Variants in ADAMTSL1 observed in about 807,000 individuals in gnomAD.
ADAMTSL1 encodes ADAMTS like 1, also known as ADAMTS-like protein 1.
Under a neutral mutation model 201.8 loss-of-function variants are expected in ADAMTSL1, and 126 were observed. That is an observed-to-expected ratio of 0.62 (90% CI 0.54 to 0.72). The LOEUF (loss-of-function observed/expected upper bound fraction) is 0.72, where lower values mean the gene tolerates loss of function less well. Ranked by LOEUF, ADAMTSL1 falls within the 30% of genes least tolerant of loss-of-function variation. The pLI, the probability that ADAMTSL1 is intolerant of heterozygous loss-of-function variation, is 0.00. For missense variants in ADAMTSL1, 2,679 were observed against 2,277.8 expected (o/e 1.18, Z -3.59); for synonymous variants, 1,121 against 903.4 (o/e 1.24, Z -4.32).
rs372483161 is a variant in ADAMTSL1 at position 18,502,098 on chromosome 9, G to C, written c.64-2731G>C. 2.0e-4 allele frequency among the ~76,000 whole-genome samples: 31 copies of C among 152,310 alleles called. 1 individual carries two copies. In the East Asian group the frequency reaches 4.1e-3, roughly 20 times the overall value. ...AACAGCCAGAGGGAAACTCTCCAAG[G>C]ATTTGGCATTCGAGTGTTCTTATCT... On this transcript the variant is annotated intron_variant, in intron 1 of 28. Transcript: ENST00000380548.
chr9:18,704,267 C>A (rs550178314), intron 13 of ADAMTSL1, among the ~76,000 whole-genome samples: 1 of 152,078 alleles, frequency 6.6e-6, no homozygotes. Context: ...TCACGCAGTC[C>A]GCAAAATCTA....
rs544186255 is a variant in ADAMTSL1 at position 18,306,416 on chromosome 9, T to G, written c.207+142435T>G. 5.1e-4 allele frequency among the ~76,000 whole-genome samples: 78 copies of G among 152,276 alleles called. 3 individuals are homozygous for G. The South Asian group carries it at 0.016, about 31-fold the overall frequency. ...TCCTCCAAGCAAAAGGAGCGTATTC[T>G]AACCCAATGCAAGGAAGCTAAGAAC... On this transcript the variant is annotated intron_variant, in intron 2 of 29. Transcript: ENST00000680146.
chr9:18,366,627 ATTTTTTTTTTTTTTTTTTTTTT>A (rs772034324), intron 2 of ADAMTSL1, among the ~76,000 whole-genome samples: 1,473 of 112,838 alleles, frequency 0.013, 40 homozygotes, highest in African/African-American at 0.048. Flanking sequence ...GAAATCACTA[ATTTTTTTTTTTTTTTTTTTTTT>A]TTTTTTTTTT....
At chr9:18,454,039 A>C (rs1438828531) in intron 2 of ADAMTSL1, among the ~76,000 whole-genome samples, 1 of 152,236 alleles carries the variant, frequency 6.6e-6, no homozygotes, top group Non-Finnish European at 1.5e-5. Context: ...TCGGTATGCA[A>C]GAGGCATATT....
intron 2 of ADAMTSL1, among the ~76,000 whole-genome samples, chr9:18,307,688 C>T (rs1299452398): frequency 6.6e-6 from 1 of 152,132 alleles, no homozygotes; most frequent in African/African-American, 2.4e-5. Context: ...CACCCAGATT[C>T]ATAAAGCAAG....
At chr9:18,756,076 A>AAAATATATATATATAT (rs1819728814) in intron 16 of ADAMTSL1, among the ~76,000 whole-genome samples, 1 of 80,700 alleles carries the variant, frequency 1.2e-5, no homozygotes, top group Non-Finnish European at 2.6e-5. Flanking sequence ...CTCTACTGAA[A>AAAATATATATATATAT]ATATATATAT....
chr9:18,432,775 T>C (rs1454417142), intron 2 of ADAMTSL1, among the ~76,000 whole-genome samples: 1 of 152,176 alleles, frequency 6.6e-6, no homozygotes, highest in African/African-American at 2.4e-5. Flanking sequence ...TGACAACATA[T>C]GTGAAGATAG....
At chr9:18,799,716 GAC>G (rs1462518395) in intron 20 of ADAMTSL1, among the ~76,000 whole-genome samples, 2 of 152,032 alleles carry the variant, frequency 1.3e-5, no homozygotes, top group Non-Finnish European at 2.9e-5. Flanking sequence ...GGAAGGGAGA[GAC>G]AGAAAATATT....
chr9:18,150,022 A>G (rs1476123432), intron 1 of ADAMTSL1, among the ~76,000 whole-genome samples: 1 of 152,112 alleles, frequency 6.6e-6, no homozygotes, highest in Non-Finnish European at 1.5e-5. Flanking sequence ...GCTGGACAAG[A>G]AATAAATTCA....
chr9:18,780,160 G>A lies in ADAMTSL1; in HGVS notation c.3677+2254G>A, dbSNP rs192681278. The stretch of plus-strand genomic sequence containing the variant: ...GCCCATGGCCCATCTAGGTCACCTG[G>A]TGACTGCAGGAATGATGTGGAAGGA... On this transcript the variant is annotated intron_variant, in intron 19 of 28. Coordinates refer to ENST00000380548, the MANE Select transcript of ADAMTSL1 (RefSeq NM_001040272.6). Among the ~76,000 whole-genome samples the A allele has an allele frequency of 6.6e-5, 10 of 152,302 alleles. No homozygotes were observed. The East Asian group carries it at 1.9e-3, about 29-fold the overall frequency.
chr9:18,501,117 AT>A (rs1337647452), intron 1 of ADAMTSL1, among the ~76,000 whole-genome samples: 1 of 152,090 alleles, frequency 6.6e-6, no homozygotes, highest in Non-Finnish European at 1.5e-5. Flanking sequence ...TCTACTCTTT[AT>A]TTTTCTTCTG....
At chr9:18,338,225 C>G (rs189969278) in intron 2 of ADAMTSL1, among the ~76,000 whole-genome samples, 24 of 152,132 alleles carry the variant, frequency 1.6e-4, no homozygotes, top group Admixed American at 3.9e-4. Flanking sequence ...ACTTTTCCAC[C>G]GCACTCTCAG....
chr9:17,933,007 C>G (rs1347366259), intron 1 of ADAMTSL1, among the ~76,000 whole-genome samples: 1 of 152,144 alleles, frequency 6.6e-6, no homozygotes, highest in East Asian at 1.9e-4. Flanking sequence ...ACAAAGTGCC[C>G]AGCCTGGCAC....
At chr9:18,855,964 C>A (rs907703225) in intron 23 of ADAMTSL1, among the ~76,000 whole-genome samples, 1 of 152,210 alleles carries the variant, frequency 6.6e-6, no homozygotes, top group Non-Finnish European at 1.5e-5. Flanking sequence ...GGCACTCTTA[C>A]ATGCACAGTA....
intron 19 of ADAMTSL1, among the ~76,000 whole-genome samples, chr9:18,792,718 C>G (rs1315306871): frequency 6.6e-6 from 1 of 152,078 alleles, no homozygotes; most frequent in Admixed American, 6.6e-5. Flanking sequence ...TTTTAATTTT[C>G]TAATCTAAAA....
chr9:18,618,975 C>A (rs150122128), intron 4 of ADAMTSL1, among the ~76,000 whole-genome samples: 480 of 152,152 alleles, frequency 3.2e-3, no homozygotes, highest in Non-Finnish European at 5.0e-3. Flanking sequence ...TATGAAGAAA[C>A]GGCTATGGAA....
chr9:18,494,430 A>C (rs1480047184), intron 1 of ADAMTSL1, among the ~76,000 whole-genome samples: 1 of 152,108 alleles, frequency 6.6e-6, no homozygotes, highest in African/African-American at 2.4e-5. Context: ...TGGCAGTGGC[A>C]TTGCATCTTA....
rs1284970320 is a variant in ADAMTSL1, at chr9:18,181,527, C to T, written c.207+17546C>T. Among the ~76,000 whole-genome samples, 3 of 151,972 alleles carry T rather than the reference C, an allele frequency of 2.0e-5. No individual in the cohort carries two copies. In the East Asian group the frequency reaches 5.8e-4, roughly 29 times the overall value. Reference sequence around the variant, plus strand: ...AAGACATTTATGCAGCCAAAAAACACATGAAAAAATGCTCACCATCACTGG... The same window carrying T: ...AAGACATTTATGCAGCCAAAAAACATATGAAAAAATGCTCACCATCACTGG... On this transcript the variant is annotated intron_variant, in intron 2 of 29. Coordinates refer to the ADAMTSL1 transcript ENST00000680146.
intron 14 of ADAMTSL1, among the ~76,000 whole-genome samples, chr9:18,713,861 T>A (rs1213913565): frequency 1.3e-4 from 19 of 148,230 alleles, no homozygotes; most frequent in African/African-American, 3.7e-4. Context: ...AAAGCTCTCC[T>A]CAGCAAATGT....
Sources: gnomAD v4.1 joint callset for allele counts (sites outside exome capture counted in the v4.1 genomes callset) on GRCh38, gnomAD v4.1.1 for gene constraint, MANE v1.5 for transcripts, NCBI Gene and HGNC (gene_info 2026-07-23, HGNC 2026-07-21) for gene names.